CPVL: variants seen among roughly 807,000 people sequenced by gnomAD.
CPVL encodes probable serine carboxypeptidase CPVL.
Under a neutral mutation model 63.7 loss-of-function variants are expected in CPVL, and 51 were observed. The observed-to-expected ratio is 0.80, with a 90% CI of 0.64 to 1.01. CPVL has a LOEUF of 1.01. CPVL is among the 50% of genes least tolerant of loss of function. CPVL has a pLI of 0.00. For missense variants in CPVL, 530 were observed against 573.1 expected, an observed-to-expected ratio of 0.92 and a Z score of 0.77; for synonymous variants, 195 against 206.0, an observed-to-expected ratio of 0.95 and a Z score of 0.46.
At chr7:29,008,575 C>T (rs933149361) in intron 12 of CPVL, among the ~76,000 whole-genome samples, 2 of 152,110 alleles carry the variant, frequency 1.3e-5, no homozygotes, top group African/African-American at 4.8e-5. Flanking sequence ...TGGGATAGCC[C>T]TCATGTTTCT....
chr7:29,179,508 C>A (rs1361969711), intron 5 of CPVL, among the ~76,000 whole-genome samples: 1 of 152,184 alleles, frequency 6.6e-6, no homozygotes, highest in African/African-American at 2.4e-5. Flanking sequence ...ACAAATTCTT[C>A]AGGAGTGAGA....
At chr7:29,193,297 G>A (rs932119430) in intron 1 of CPVL, 7 of 152,044 alleles carry the variant, frequency 4.6e-5, no homozygotes, top group African/African-American at 1.2e-4. Flanking sequence ...AAAATGTGAC[G>A]TGGGTGCGTA....
intron 7 of CPVL, among the ~76,000 whole-genome samples, chr7:29,072,657 A>T (rs944502975): frequency 2.0e-5 from 3 of 152,202 alleles, no homozygotes; most frequent in Admixed American, 6.5e-5. Context: ...AAAAAATCAC[A>T]AGTGAACATG....
chr7:29,146,856 T>G (rs1459291918), upstream of CPVL: 1 of 1,551,068 alleles, frequency 6.4e-7, no homozygotes. Context: ...TAGGACTTAC[T>G]TGCAAGCCCA....
intron 5 of CPVL, among the ~76,000 whole-genome samples, chr7:29,178,187 G>A (rs1423591460): frequency 1.3e-5 from 2 of 152,106 alleles, no homozygotes; most frequent in East Asian, 1.9e-4. Flanking sequence ...CATAGCCACC[G>A]TGCACCCTGC....
At chr7:29,181,028 A>C (rs1382285999) in intron 5 of CPVL, among the ~76,000 whole-genome samples, 3 of 152,272 alleles carry the variant, frequency 2.0e-5, no homozygotes, top group Non-Finnish European at 4.4e-5. Flanking sequence ...ACTAGTAGAC[A>C]TAAGCAAAAA....
At chr7:29,027,376 T>C (rs1237867796) in intron 12 of CPVL, among the ~76,000 whole-genome samples, 1 of 152,130 alleles carries the variant, frequency 6.6e-6, no homozygotes, top group Non-Finnish European at 1.5e-5. Context: ...ATCATCATAC[T>C]GAATAGGGAA....
At chr7:29,119,614 A>G (rs1021547669) in intron 2 of CPVL, among the ~76,000 whole-genome samples, 1 of 152,214 alleles carries the variant, frequency 6.6e-6, no homozygotes, top group Admixed American at 6.5e-5. Flanking sequence ...AATAAAGCCA[A>G]TTGCAAACAC....
intron 2 of CPVL, among the ~76,000 whole-genome samples, chr7:29,119,636 GA>G (rs1789150563): frequency 6.6e-6 from 1 of 152,066 alleles, no homozygotes; most frequent in Admixed American, 6.5e-5. Flanking sequence ...CATATTTGGA[GA>G]ACAACTTATA....
intron 11 of CPVL, among the ~76,000 whole-genome samples, chr7:29,045,120 A>T (rs546935758): frequency 6.6e-6 from 1 of 152,340 alleles, no homozygotes; most frequent in Non-Finnish European, 1.5e-5. Context: ...AAATACAAAC[A>T]CACACGGGTT....
At chr7:29,099,147 G>A (rs915505008) in intron 3 of CPVL, among the ~76,000 whole-genome samples, 21 of 152,270 alleles carry the variant, frequency 1.4e-4, no homozygotes, top group African/African-American at 4.3e-4. Context: ...TTGCTGGGAG[G>A]ATTAAATGAA....
chr7:29,044,724 T>A (rs1197009160), intron 11 of CPVL, among the ~76,000 whole-genome samples: 2 of 152,204 alleles, frequency 1.3e-5, no homozygotes, highest in Admixed American at 6.5e-5. Flanking sequence ...CTTTCTCGAT[T>A]TGTCTTTTCA....
chr7:29,148,973 G>GT (rs1317498547), upstream of CPVL, among the ~76,000 whole-genome samples: 1 of 152,126 alleles, frequency 6.6e-6, no homozygotes, highest in African/African-American at 2.4e-5. Context: ...GAGGGGAAAG[G>GT]TGGCAGCACA....
At chr7:29,031,270 G>A (rs989933986) in intron 11 of CPVL, among the ~76,000 whole-genome samples, 1 of 152,134 alleles carries the variant, frequency 6.6e-6, no homozygotes, top group Admixed American at 6.6e-5. Context: ...AGATTCAGGT[G>A]CCTCAAATTT....
intron 12 of CPVL, among the ~76,000 whole-genome samples, chr7:29,003,002 C>T (rs1784808687): frequency 1.0e-5 from 1 of 98,560 alleles, no homozygotes; most frequent in Non-Finnish European, 2.0e-5. Flanking sequence ...GAGATACTGA[C>T]TGAAAAATTT....
At chr7:29,136,810 T>C (rs1286304982) in intron 1 of CPVL, among the ~76,000 whole-genome samples, 4 of 152,204 alleles carry the variant, frequency 2.6e-5, no homozygotes, top group African/African-American at 9.7e-5. Flanking sequence ...CTTCCCTATT[T>C]TTCATCTTGG....
At chr7:29,175,756 AC>A (rs1797236620) in intron 5 of CPVL, among the ~76,000 whole-genome samples, 1 of 152,226 alleles carries the variant, frequency 6.6e-6, no homozygotes, top group Non-Finnish European at 1.5e-5. Flanking sequence ...AGGGAAAAAA[AC>A]AAAACAAAAA....
chr7:29,047,225 G>A (rs530091016), intron 11 of CPVL, among the ~76,000 whole-genome samples: 1 of 152,224 alleles, frequency 6.6e-6, no homozygotes, highest in South Asian at 2.1e-4. Flanking sequence ...TGCAAAGGGA[G>A]CCATTTGCAT....
intron 1 of CPVL, among the ~76,000 whole-genome samples, chr7:29,136,335 T>C (rs554416315): frequency 6.6e-6 from 1 of 152,186 alleles, no homozygotes; most frequent in Non-Finnish European, 1.5e-5. Context: ...GTACAAGACA[T>C]GGATTGCAAT....
Sources: gnomAD v4.1 joint callset for allele counts (sites outside exome capture counted in the v4.1 genomes callset) on GRCh38, gnomAD v4.1.1 for gene constraint, MANE v1.5 for transcripts, NCBI Gene and HGNC (gene_info 2026-07-23, HGNC 2026-07-21) for gene names.